Variants in AGBL1 observed in about 807,000 individuals in gnomAD.
The protein encoded by AGBL1 is cytosolic carboxypeptidase 4.
Under a neutral mutation model 118.9 loss-of-function variants are expected in AGBL1, and 130 were observed. The ratio of observed to expected loss-of-function variants is 1.09; its 90% CI spans 0.95 to 1.26. The LOEUF (loss-of-function observed/expected upper bound fraction) is 1.26, where lower values mean the gene tolerates loss of function less well. Ranked by LOEUF, AGBL1 falls within the 50% of genes most tolerant of loss-of-function variation. AGBL1 has a pLI of 0.00. For synonymous variants in AGBL1, 555 were observed against 478.9 expected, an observed-to-expected ratio of 1.16 and a Z score of -2.08; for missense variants, 1,584 against 1,298.1, an observed-to-expected ratio of 1.22 and a Z score of -3.38.
At chr15:86,862,084 C>T (rs1027562829) in intron 22 of AGBL1, among the ~76,000 whole-genome samples, 1 of 152,108 alleles carries the variant, frequency 6.6e-6, no homozygotes, top group African/African-American at 2.4e-5. Context: ...ATTGCTTTCT[C>T]ATTTTATGAA....
At chr15:86,628,181 G>A (rs2084915914) in intron 21 of AGBL1, among the ~76,000 whole-genome samples, 1 of 152,148 alleles carries the variant, frequency 6.6e-6, no homozygotes, top group Non-Finnish European at 1.5e-5. Context: ...CCCACCCCTA[G>A]AGTTTTCGAT....
intron 5 of AGBL1, among the ~76,000 whole-genome samples, chr15:86,194,961 A>T (rs1883071452): frequency 6.6e-6 from 1 of 152,210 alleles, no homozygotes; most frequent in Non-Finnish European, 1.5e-5. Context: ...CCACCTGTAG[A>T]CACTATTTTA....
At chr15:86,479,285 G>A (rs928751564) in intron 18 of AGBL1, among the ~76,000 whole-genome samples, 3 of 152,164 alleles carry the variant, frequency 2.0e-5, no homozygotes, top group African/African-American at 7.2e-5. Flanking sequence ...AACCATCAGA[G>A]TGAACAGGCA....
intron 18 of AGBL1, among the ~76,000 whole-genome samples, chr15:86,506,777 C>T (rs1486421854): frequency 6.6e-6 from 1 of 151,912 alleles, no homozygotes; most frequent in Non-Finnish European, 1.5e-5. Flanking sequence ...GAGTCTTGTA[C>T]TAAGGATTGA....
At chr15:87,013,245 C>T (rs16939701) in intron 24 of AGBL1, among the ~76,000 whole-genome samples, 15,658 of 152,030 alleles carry the variant, frequency 0.1, 1,612 homozygotes, top group African/African-American at 0.27. Context: ...AATATGCCTG[C>T]TCTGTTATCT....
chr15:86,633,343 AT>A (rs953367105), intron 21 of AGBL1, among the ~76,000 whole-genome samples: 1 of 151,926 alleles, frequency 6.6e-6, no homozygotes, highest in Admixed American at 6.6e-5. Flanking sequence ...TGCACCATGA[AT>A]TTTTTTTATG....
At chr15:86,120,900 AT>A (rs201787520) in intron 1 of AGBL1, among the ~76,000 whole-genome samples, 5,247 of 141,598 alleles carry the variant, frequency 0.037, 112 homozygotes, top group African/African-American at 0.062. Flanking sequence ...GCTTTTATGG[AT>A]TTTTTTTTTT....
At chr15:86,721,626 A>G (rs866774426) in intron 22 of AGBL1, among the ~76,000 whole-genome samples, 2 of 152,190 alleles carry the variant, frequency 1.3e-5, no homozygotes, top group African/African-American at 4.8e-5. Context: ...CACCACTCCT[A>G]TTCAACATAG....
intron 17 of AGBL1, among the ~76,000 whole-genome samples, chr15:86,368,408 A>G (rs958034340): frequency 1.3e-5 from 2 of 152,134 alleles, no homozygotes; most frequent in African/African-American, 4.8e-5. Flanking sequence ...CCACAAATTC[A>G]CTCTATATGA....
intron 17 of AGBL1, among the ~76,000 whole-genome samples, chr15:86,323,605 C>A (rs897732776): frequency 1.3e-5 from 2 of 152,188 alleles, no homozygotes; most frequent in Non-Finnish European, 2.9e-5. Flanking sequence ...ACTGCCAGTG[C>A]AAAATCCTGC....
chr15:86,707,891 T>C (rs2086481186), intron 22 of AGBL1, among the ~76,000 whole-genome samples: 1 of 152,134 alleles, frequency 6.6e-6, no homozygotes, highest in Non-Finnish European at 1.5e-5. Context: ...AGACTATGGA[T>C]GACAGCTCTT....
intron 5 of AGBL1, among the ~76,000 whole-genome samples, chr15:86,163,010 T>C (rs181771594): frequency 3.3e-5 from 5 of 152,388 alleles, no homozygotes; most frequent in African/African-American, 7.2e-5. Context: ...TATTGGACTC[T>C]GTACTATATT....
intron 1 of AGBL1, among the ~76,000 whole-genome samples, chr15:86,118,843 G>A (rs913645435): frequency 1.6e-4 from 25 of 152,198 alleles, no homozygotes; most frequent in Non-Finnish European, 3.1e-4. Flanking sequence ...TCTATTGTGC[G>A]AAAAAGTGTC....
chr15:86,429,810 C>A (rs1343112139), intron 18 of AGBL1, among the ~76,000 whole-genome samples: 3 of 152,134 alleles, frequency 2.0e-5, no homozygotes, highest in Admixed American at 2.0e-4. Context: ...CTAAGAAAGC[C>A]AGAGACATTA....
chr15:86,753,840 C>G lies in AGBL1; in HGVS notation c.3158+79404C>G, dbSNP rs2077893575. On this transcript the variant is annotated intron_variant, in intron 22 of 22. Coordinates refer to ENST00000614907, the MANE Select transcript of AGBL1 (RefSeq NM_001386094.1). ...AACATGTGAATCACAAGTCTGTCTC[C>G]CTTGCTTAGATGCAGGTCTCCCTCT... 4.6e-5 allele frequency among the ~76,000 whole-genome samples: 7 copies of G among 152,214 alleles called. No homozygotes were observed. In the South Asian group the frequency reaches 1.5e-3, roughly 32 times the overall value.
intron 23 of AGBL1, among the ~76,000 whole-genome samples, chr15:86,924,765 A>C (rs2080513788): frequency 6.6e-6 from 1 of 151,978 alleles, no homozygotes. Context: ...GTGTCTCTCA[A>C]ACTTTGGCCA....
chr15:86,975,831 G>C (rs1423595907), intron 23 of AGBL1, among the ~76,000 whole-genome samples: 3 of 152,050 alleles, frequency 2.0e-5, no homozygotes, highest in African/African-American at 7.2e-5. Context: ...AGAACACCTG[G>C]TCAGTTCTTT....
At chr15:86,738,226 C>T (rs969643318) in intron 22 of AGBL1, among the ~76,000 whole-genome samples, 3 of 152,054 alleles carry the variant, frequency 2.0e-5, no homozygotes, top group Non-Finnish European at 2.9e-5. Flanking sequence ...AAGGAATATA[C>T]CTCAACTTAA....
intron 23 of AGBL1, among the ~76,000 whole-genome samples, chr15:86,952,583 G>A (rs1027643567): frequency 2.6e-5 from 4 of 151,926 alleles, no homozygotes; most frequent in African/African-American, 7.3e-5. Context: ...CTGGATGTTC[G>A]AACTTTGTCA....
Sources: allele counts gnomAD v4.1 joint callset (sites outside exome capture counted in the v4.1 genomes callset), GRCh38; gene constraint gnomAD v4.1.1; transcripts MANE v1.5; gene names NCBI Gene and HGNC (gene_info 2026-07-23, HGNC 2026-07-21).